Variants in OXR1 observed in about 807,000 individuals in gnomAD.
OXR1 encodes the protein oxidation resistance protein 1.
OXR1 carries 41 observed loss-of-function variants against 104.6 expected under a neutral mutation model. The ratio of observed to expected loss-of-function variants is 0.39; its 90% CI spans 0.31 to 0.51. The LOEUF (loss-of-function observed/expected upper bound fraction) is 0.51, where lower values mean the gene tolerates loss of function less well. Among genes scored for constraint, OXR1 ranks in the 20% least tolerant of loss-of-function variants. The pLI is 0.77. For synonymous variants in OXR1, 348 were observed against 348.4 expected, an observed-to-expected ratio of 1.00 and a Z score of 0.01; for missense variants, 955 against 1,031.9, an observed-to-expected ratio of 0.93 and a Z score of 1.02.
rs550601374 is a variant in OXR1, at chr8:106,291,727, G to A, written c.-139+21360G>A. On this transcript the variant is annotated intron_variant, in intron 1 of 16. Transcript: ENST00000517566. The stretch of plus-strand genomic sequence containing the variant: ...GAGACTCGGTAATTTTTGAAGAAAA[G>A]GAGGTTTAATAGACACAGTTCCACA... Among the ~76,000 whole-genome samples the A allele has an allele frequency of 3.3e-5, 5 of 152,278 alleles. No individual in the cohort carries two copies. In the South Asian group the frequency reaches 1.0e-3, roughly 32 times the overall value.
intron 11 of OXR1, among the ~76,000 whole-genome samples, chr8:106,736,141 A>G (rs191704011): frequency 1.1e-3 from 155 of 145,960 alleles, no homozygotes; most frequent in Non-Finnish European, 1.5e-3. Flanking sequence ...TTGATAGGCA[A>G]TGGGGAACCC....
chr8:106,383,938 A>G (rs1817262913), intron 2 of OXR1, among the ~76,000 whole-genome samples: 1 of 152,226 alleles, frequency 6.6e-6, no homozygotes, highest in Non-Finnish European at 1.5e-5. Context: ...CATAAAGTTA[A>G]TATACACCTA....
intron 3 of OXR1, among the ~76,000 whole-genome samples, chr8:106,538,008 A>G (rs551345727): frequency 6.6e-6 from 1 of 152,234 alleles, no homozygotes; most frequent in South Asian, 2.1e-4. Flanking sequence ...CTGTGATTGG[A>G]TTTTCTGTGG....
At chr8:106,388,295 G>A (rs1364297393) in intron 2 of OXR1, among the ~76,000 whole-genome samples, 1 of 152,184 alleles carries the variant, frequency 6.6e-6, no homozygotes, top group East Asian at 1.9e-4. Flanking sequence ...GCAAGTGCTG[G>A]AACAATGATG....
intron 3 of OXR1, among the ~76,000 whole-genome samples, chr8:106,670,358 A>G (rs1480213893): frequency 6.6e-6 from 1 of 152,184 alleles, no homozygotes; most frequent in Admixed American, 6.5e-5. Context: ...CTTTCTGGAG[A>G]ATTACCAGTT....
chr8:106,312,723 T>C (rs1813761593), intron 1 of OXR1, among the ~76,000 whole-genome samples: 1 of 152,206 alleles, frequency 6.6e-6, no homozygotes, highest in Non-Finnish European at 1.5e-5. Flanking sequence ...TGTCAGTTTT[T>C]TGAAAGCCAT....
intron 2 of OXR1, among the ~76,000 whole-genome samples, chr8:106,507,094 G>T (rs957301418): frequency 2.0e-5 from 3 of 152,018 alleles, no homozygotes; most frequent in Non-Finnish European, 4.4e-5. Flanking sequence ...CTTAAAAAAA[G>T]AAAAGAAAAA....
At chr8:106,670,379 A>G (rs1299123254) in intron 3 of OXR1, among the ~76,000 whole-genome samples, 1 of 152,204 alleles carries the variant, frequency 6.6e-6, no homozygotes, top group Non-Finnish European at 1.5e-5. Context: ...TCTACATGTA[A>G]AAATGTTTTG....
At chr8:106,593,228 C>G (rs1436688041) in intron 3 of OXR1, among the ~76,000 whole-genome samples, 1 of 152,158 alleles carries the variant, frequency 6.6e-6, no homozygotes, top group Non-Finnish European at 1.5e-5. Context: ...TTCAGGCCAT[C>G]CTGTATAAGT....
rs1182812720 is a variant in OXR1, at chr8:106,359,501, G to A, written c.-113G>A. 2.7e-6 allele frequency: 2 copies of A among 739,072 alleles called. No homozygotes were observed. The highest frequency in any genetic ancestry group is 4.9e-6 in the Non-Finnish European group (2 of 410,634). The allele number at this position is 739,072 out of a possible 1,614,324, so 45.8% of individuals were successfully genotyped here. A position where few individuals can be genotyped will look rare whatever the true frequency, so the allele number is the denominator to read the frequency against. On this transcript the variant is annotated 5_prime_UTR_variant, in exon 2 of 17. In the 5' UTR this introduces an upstream ATG that the reference lacks. Transcript: ENST00000517566. The stretch of plus-strand genomic sequence containing the variant: ...GTCCTCTCAAACTGTGAGTAACTAA[G>A]TGGTTTGTGCATCATTCCAGAAGCA...
intron 1 of OXR1, among the ~76,000 whole-genome samples, chr8:106,304,368 G>T (rs1435631371): frequency 6.6e-6 from 1 of 152,120 alleles, no homozygotes; most frequent in Non-Finnish European, 1.5e-5. Flanking sequence ...CTCAAAAAAT[G>T]TTGGACATAT....
chr8:106,699,018 T>A (rs1233268414), intron 7 of OXR1, among the ~76,000 whole-genome samples: 1 of 152,210 alleles, frequency 6.6e-6, no homozygotes, highest in Non-Finnish European at 1.5e-5. Context: ...TTCTTGATCC[T>A]ATTGTGGCTT....
chr8:106,513,001 G>C (rs1468225635), intron 2 of OXR1, among the ~76,000 whole-genome samples: 1 of 152,044 alleles, frequency 6.6e-6, no homozygotes, highest in African/African-American at 2.4e-5. Flanking sequence ...TGGGATGTAC[G>C]TTCATTCATT....
intron 3 of OXR1, among the ~76,000 whole-genome samples, chr8:106,589,433 C>T (rs537524204): frequency 6.6e-6 from 1 of 151,080 alleles, no homozygotes; most frequent in South Asian, 2.1e-4. Flanking sequence ...CAAAACAAGG[C>T]CCCAGGACTC....
chr8:106,617,204 C>G (rs1193717591), intron 3 of OXR1, among the ~76,000 whole-genome samples: 1 of 152,220 alleles, frequency 6.6e-6, no homozygotes, highest in Non-Finnish European at 1.5e-5. Flanking sequence ...GAGTGGACCA[C>G]CTGAGGTCGG....
At chr8:106,627,545 G>A (rs575628870) in intron 3 of OXR1, among the ~76,000 whole-genome samples, 1 of 151,066 alleles carries the variant, frequency 6.6e-6, no homozygotes, top group African/African-American at 2.4e-5. Flanking sequence ...CAATGTAGTG[G>A]CTTAATGATG....
intron 6 of OXR1, among the ~76,000 whole-genome samples, chr8:106,684,756 C>T (rs1033510103): frequency 3.9e-5 from 6 of 152,078 alleles, no homozygotes; most frequent in African/African-American, 1.4e-4. Context: ...AATTTTGACA[C>T]ATTGCCTTTT....
At chr8:106,415,579 G>GAGAGAGACAGAGAGAC (rs5893789) in intron 2 of OXR1, among the ~76,000 whole-genome samples, 39 of 150,466 alleles carry the variant, frequency 2.6e-4, no homozygotes, top group African/African-American at 9.3e-4. Flanking sequence ...CTGAGAGAGA[G>GAGAGAGACAGAGAGAC]AGAGAGACAG....
intron 2 of OXR1, among the ~76,000 whole-genome samples, chr8:106,431,914 G>C (rs1178526401): frequency 6.6e-6 from 1 of 152,128 alleles, no homozygotes; most frequent in Non-Finnish European, 1.5e-5. Flanking sequence ...TCACATCATA[G>C]TTTTTGTCTT....
Sources: allele counts gnomAD v4.1 joint callset (sites outside exome capture counted in the v4.1 genomes callset), GRCh38; gene constraint gnomAD v4.1.1; transcripts MANE v1.5; gene names NCBI Gene and HGNC (gene_info 2026-07-23, HGNC 2026-07-21).